Variants in ODF2 observed in about 807,000 individuals in gnomAD.
The protein encoded by ODF2 is outer dense fiber of sperm tails 2.
Under a neutral mutation model 110.2 loss-of-function variants are expected in ODF2, and 47 were observed. The observed-to-expected ratio is 0.43, with a 90% CI of 0.34 to 0.54. The LOEUF (loss-of-function observed/expected upper bound fraction) is 0.54, where lower values mean the gene tolerates loss of function less well. Ranked by LOEUF, ODF2 falls within the 20% of genes least tolerant of loss-of-function variation. The probability of loss-of-function intolerance (pLI) is 0.03; values close to 1 mark genes in which losing one functional copy is unlikely to be tolerated. For missense variants in ODF2, 812 were observed against 1,054.5 expected (o/e 0.77, Z 3.19); for synonymous variants, 352 against 397.7 (o/e 0.89, Z 1.37).
chr9:128,494,968 C>A lies in ODF2; in HGVS notation c.1911+300C>A. 1.4e-6 allele frequency: 1 copy of A among 714,456 alleles called. No homozygotes were observed. Among genetic ancestry groups the A allele is most frequent in the Non-Finnish European group, 2.2e-6 (1 of 454,870 alleles). 44.3% of individuals were successfully genotyped at this position (714,456 alleles called of 1,614,324 possible). On this transcript the variant is annotated intron_variant, in intron 17 of 20. Coordinates refer to ENST00000604420, the Ensembl canonical transcript of ODF2. The surrounding 1 kb of genome is among the most constrained non-coding windows in gnomAD (Gnocchi z 4.6). Reference sequence around the variant, plus strand: ...TGTGCTCCGCAGCTGTCCTCAGCTCCACACCCACAGCTGGGAGATGCCAGC... The same window carrying A: ...TGTGCTCCGCAGCTGTCCTCAGCTCAACACCCACAGCTGGGAGATGCCAGC...
intron 8 of ODF2, 90 bp downstream of exon 8, chr9:128,473,831 G>T: frequency 7.8e-7 from 1 of 1,283,816 alleles, no homozygotes; most frequent in Non-Finnish European, 1.1e-6. Context: ...AAATAAGATT[G>T]GTGCCCGACC....
At chr9:128,481,681 T>G (rs1842422185) in intron 9 of ODF2, 30 bp downstream of exon 9, 4 of 1,569,970 alleles carry the variant, frequency 2.5e-6, no homozygotes, top group Non-Finnish European at 3.5e-6. Flanking sequence ...TCTACTCTAG[T>G]GGGTACAGGT....
chr9:128,493,846 G>A (rs965275826), intron 16 of ODF2, among the ~76,000 whole-genome samples: 1 of 152,162 alleles, frequency 6.6e-6, no homozygotes, highest in Admixed American at 6.5e-5. Context: ...CCAGGCTGGA[G>A]TGCAGTGGTG....
At chr9:128,457,031 C>G (rs1388263209) in intron 1 of ODF2, 1 of 1,283,704 alleles carries the variant, frequency 7.8e-7, no homozygotes, top group Non-Finnish European at 1.0e-6. Context: ...CCCGCCCTCT[C>G]CGCACGTCCG....
In ODF2 at chr9:128,494,951, G is replaced by A. The variant is rs1481753409; in HGVS notation, c.1911+283G>A. 1.1e-6 allele frequency: 1 copy of A among 870,428 alleles called. No homozygotes were observed. Among genetic ancestry groups the A allele is most frequent in the Non-Finnish European group, 1.7e-6 (1 of 590,186 alleles). The allele number at this position is 870,428 out of a possible 1,614,324, so 53.9% of individuals were successfully genotyped here. A position where few individuals can be genotyped will look rare whatever the true frequency, so the allele number is the denominator to read the frequency against. The stretch of plus-strand genomic sequence containing the variant: ...ACTGCTGCCTCTGCCTGTGTGCTCC[G>A]CAGCTGTCCTCAGCTCCACACCCAC... On this transcript the variant is annotated intron_variant, in intron 17 of 20. Transcript: ENST00000604420. This position sits in a 1 kb window ranked among gnomAD's most constrained non-coding sequence, Gnocchi z 4.6.
At chr9:128,460,347 GTCT>G in intron 3 of ODF2, 200 bp from the exon 3 acceptor site, 3 of 1,437,912 alleles carry the variant, frequency 2.1e-6, no homozygotes, top group Middle Eastern at 2.0e-4. Flanking sequence ...CTCCCTTGTG[GTCT>G]TCTGCTGGGA....
At chr9:128,478,888 C>T (rs890889692) in intron 8 of ODF2, among the ~76,000 whole-genome samples, 4 of 152,172 alleles carry the variant, frequency 2.6e-5, no homozygotes, top group African/African-American at 9.7e-5. Context: ...CTACCCCTTC[C>T]AGCTGTGTGG....
chr9:128,466,496 A>T (rs1032308960), intron 4 of ODF2, among the ~76,000 whole-genome samples: 1 of 150,208 alleles, frequency 6.7e-6, no homozygotes, highest in Non-Finnish European at 1.5e-5. Flanking sequence ...AAGTGCAGGG[A>T]TGTACACCCA....
chr9:128,499,634 G>C (rs1370758351), intron 20 of ODF2, among the ~76,000 whole-genome samples: 1 of 151,512 alleles, frequency 6.6e-6, no homozygotes, highest in Non-Finnish European at 1.5e-5. Context: ...GTTTTAGACA[G>C]AGTTTCATTC....
At chr9:128,483,813 G>A in intron 10 of ODF2, 125 bp from the exon 11 acceptor site, 1 of 732,730 alleles carries the variant, frequency 1.4e-6, no homozygotes, top group South Asian at 1.4e-5. Context: ...TGGAGCCCAA[G>A]AGGTGGAGGT....
chr9:128,497,436 AAAAAAAAAAAAT>A (rs1845736677), intron 18 of ODF2: 1 of 97,566 alleles, frequency 1.0e-5, no homozygotes, highest in South Asian at 3.4e-4. Context: ...AAAAAAAAAA[AAAAAAAAAAAAT>A]ATATATATAT....
intron 5 of ODF2, among the ~76,000 whole-genome samples, chr9:128,470,943 C>A (rs1170467745): frequency 6.7e-6 from 1 of 149,358 alleles, no homozygotes; most frequent in Non-Finnish European, 1.5e-5. Context: ...TGGAGTCTCA[C>A]TCTTGTCCGC....
intron 10 of ODF2, 125 bp from the exon 11 acceptor site, chr9:128,483,813 G>T: frequency 1.4e-6 from 1 of 732,730 alleles, no homozygotes. Flanking sequence ...TGGAGCCCAA[G>T]AGGTGGAGGT....
rs1235056322 is a variant in ODF2, at chr9:128,469,482, G to A, written c.420+129G>A. Reference sequence around the variant, plus strand: ...GGCCTCCTCTGCAGGGTTGCCCCGGGCTTCAGTTGCCTGCCCCGGGAGGTA... The same window carrying A: ...GGCCTCCTCTGCAGGGTTGCCCCGGACTTCAGTTGCCTGCCCCGGGAGGTA... On this transcript the variant is annotated intron_variant, in intron 5 of 20. Coordinates refer to ENST00000604420, the Ensembl canonical transcript of ODF2. 5.3e-6 allele frequency: 5 copies of A among 938,750 alleles called. No individual in the cohort carries two copies. In the Admixed American group the frequency reaches 6.8e-5, roughly 13 times the overall value. The allele number at this position is 938,750 out of a possible 1,614,324, so 58.2% of individuals were successfully genotyped here. A position where few individuals can be genotyped will look rare whatever the true frequency, so the allele number is the denominator to read the frequency against.
At chr9:128,459,701 TA>T (rs1564453996) in intron 3 of ODF2, 44 bp downstream of exon 2, 2 of 1,485,794 alleles carry the variant, frequency 1.3e-6, no homozygotes, top group African/African-American at 2.8e-5. Context: ...GTCACCTTGC[TA>T]AAAATGCTTT....
chr9:128,455,794 T>C (rs922301080), upstream of ODF2, among the ~76,000 whole-genome samples: 1 of 152,046 alleles, frequency 6.6e-6, no homozygotes, highest in Non-Finnish European at 1.5e-5. Flanking sequence ...CCATGGGTCC[T>C]CTGTGAGCCT....
At chr9:128,477,041 C>G (rs1481991417) in intron 8 of ODF2, among the ~76,000 whole-genome samples, 1 of 151,068 alleles carries the variant, frequency 6.6e-6, no homozygotes, top group African/African-American at 2.4e-5. Flanking sequence ...GTCAGGAGTT[C>G]GAGACCAGCC....
exon 2 of ODF2, chr9:128,457,400 C>G (rs760201452): frequency 1.4e-5 from 23 of 1,613,126 alleles, no homozygotes; most frequent in Non-Finnish European, 1.9e-5. Context: ...GCTTTGATGC[C>G]TAGCCATGTC....
intron 13 of ODF2, 66 bp from the exon 14 acceptor site, chr9:128,487,824 C>G (rs866833168): frequency 6.4e-7 from 1 of 1,569,086 alleles, no homozygotes; most frequent in Middle Eastern, 1.7e-4. Context: ...CACACACACA[C>G]ACACACACAC....
Sources: allele counts gnomAD v4.1 joint callset (sites outside exome capture counted in the v4.1 genomes callset), GRCh38; gene constraint gnomAD v4.1.1; non-coding constraint Gnocchi (gnomAD v3.1); transcripts MANE v1.5; gene names NCBI Gene and HGNC (gene_info 2026-07-23, HGNC 2026-07-21).